Variants in STK11 observed in about 807,000 individuals in gnomAD.
The protein encoded by STK11 is serine/threonine-protein kinase STK11.
In STK11, 8 loss-of-function variants were observed where a neutral mutation model predicts 47.3. The observed-to-expected ratio is 0.17, with a 90% CI of 0.10 to 0.31. STK11 has a LOEUF of 0.31. Among genes scored for constraint, STK11 ranks in the 10% least tolerant of loss-of-function variants. The pLI is 1.00. For missense variants in STK11, 475 were observed against 605.0 expected (o/e 0.79, Z 2.25); for synonymous variants, 330 against 255.8 (o/e 1.29, Z -2.77).
At chr19:1,218,177 A>G (rs2080756636) in intron 1 of STK11, among the ~76,000 whole-genome samples, 2 of 150,214 alleles carry the variant, frequency 1.3e-5, no homozygotes, top group South Asian at 4.2e-4. Flanking sequence ...TGTGTCCTCC[A>G]AAGCCCTCGC....
intron 3 of STK11, 26 bp downstream of exon 3, chr19:1,219,439 G>C (rs968991091): frequency 6.5e-7 from 1 of 1,544,832 alleles, no homozygotes; most frequent in Middle Eastern, 1.9e-4. Context: ...AGGGGCCAGG[G>C]TGGGGCGGGG....
At position 1,222,468 on chromosome 19, in the gene STK11, C is replaced by T. The variant is rs530781501; in HGVS notation, c.920+462C>T. Among the ~76,000 whole-genome samples, 20 of 152,336 alleles carry T rather than the reference C, an allele frequency of 1.3e-4. No individual in the cohort carries two copies. In the East Asian group the frequency reaches 3.5e-3, roughly 26 times the overall value. ...CGTGGGCTCTGCTCCTCTGCACCAG[C>T]CCCTGGAGGCCCTTGAGCCGTCTGC... On this transcript the variant is annotated intron_variant, in intron 7 of 9. Transcript: ENST00000326873.
intron 8 of STK11, 151 bp from the exon 9 acceptor site, chr19:1,226,303 T>C (rs2080820121): frequency 6.2e-6 from 9 of 1,453,858 alleles, no homozygotes; most frequent in African/African-American, 2.9e-5. Flanking sequence ...GGGGGCAGCA[T>C]TTCAGGCTGG....
chr19:1,224,217 C>T (rs2080805866), intron 8 of STK11: 6 of 984,972 alleles, frequency 6.1e-6, no homozygotes, highest in Middle Eastern at 1.0e-3. Flanking sequence ...CTGGGGGCCC[C>T]CCAGGAGGAT....
chr19:1,225,945 CAGCTGGGGG>C (rs2080817369), intron 8 of STK11: 1 of 992,834 alleles, frequency 1.0e-6, no homozygotes, highest in African/African-American at 1.7e-5. Flanking sequence ...GGACTGGGGG[CAGCTGGGGG>C]CCCTGGCAGG....
chr19:1,218,757 A>G (rs1458112103), intron 2 of STK11, among the ~76,000 whole-genome samples: 1 of 152,194 alleles, frequency 6.6e-6, no homozygotes, highest in Non-Finnish European at 1.5e-5. Context: ...GTCTCCTCCC[A>G]GGCTAACCAG....
At chr19:1,220,167 C>A in intron 3 of STK11, 1 of 584,498 alleles carries the variant, frequency 1.7e-6, no homozygotes, top group South Asian at 2.6e-5. Flanking sequence ...CCCTGCCAGA[C>A]GTGGCTCGGC....
In STK11 at chr19:1,222,002, C is replaced by T. The variant is rs2145428869; in HGVS notation, c.916C>T (p.His306Tyr). The T allele has an allele frequency of 6.4e-7, 1 of 1,570,280 alleles. No individual in the cohort carries two copies. Among genetic ancestry groups the T allele is most frequent in the Non-Finnish European group, 8.6e-7 (1 of 1,158,658 alleles). ...GTTCTCCATCCGGCAGATCCGGCAG[C>T]ACAGGTGAGCGGCCCCTGGGGGCAG... is the stretch of plus-strand genomic sequence containing the variant. ...KRFSIRQIRQ[H>Y]SWFRKKHPPA... Residue 306 changes from histidine to tyrosine, a missense_variant, in exon 7 of 10, where the codon CAC (histidine) becomes TAC (tyrosine). Coordinates refer to ENST00000326873, the MANE Select transcript of STK11 (RefSeq NM_000455.5).
At chr19:1,225,047 G>A (rs1370379487) in intron 8 of STK11, 2 of 985,786 alleles carry the variant, frequency 2.0e-6, no homozygotes, top group East Asian at 2.3e-4. Context: ...CCCTACCCAG[G>A]ATGCGGGTCC....
chr19:1,226,393 G>T, intron 8 of STK11, 61 bp from the exon 9 acceptor site: 1 of 1,574,566 alleles, frequency 6.4e-7, no homozygotes, highest in East Asian at 2.3e-5. Context: ...GGCCAGCCAG[G>T]TCCCTGTGGC....
chr19:1,222,062 G>T, intron 7 of STK11, 56 bp downstream of exon 7: 4 of 1,542,214 alleles, frequency 2.6e-6, no homozygotes, highest in Non-Finnish European at 2.6e-6. Flanking sequence ...GGCCATGTGG[G>T]CAGCTGGTTG....
chr19:1,211,951 G>T (rs2145412846), intron 1 of STK11, among the ~76,000 whole-genome samples: 1 of 152,354 alleles, frequency 6.6e-6, no homozygotes, highest in African/African-American at 2.4e-5. Context: ...CCCTGCGCCA[G>T]CCATGTGAGG....
At chr19:1,215,973 G>A (rs1052453978) in intron 1 of STK11, among the ~76,000 whole-genome samples, 1 of 101,822 alleles carries the variant, frequency 9.8e-6, no homozygotes, top group Non-Finnish European at 2.0e-5. Context: ...CTGACCTCAG[G>A]TGATCCACCT....
chr19:1,215,946 A>G (rs2080742025), intron 1 of STK11, among the ~76,000 whole-genome samples: 1 of 146,410 alleles, frequency 6.8e-6, no homozygotes, highest in Admixed American at 6.9e-5. Context: ...CATGTTGGCC[A>G]GGCTGGTTTC....
At position 1,227,710 on chromosome 19, in the gene STK11, T is replaced by A; in HGVS notation, c.*134T>A. The A allele has an allele frequency of 2.8e-6, 3 of 1,070,194 alleles. No homozygotes were observed. Among genetic ancestry groups the A allele is most frequent in the Non-Finnish European group, 3.4e-6 (3 of 882,308 alleles). The allele number at this position is 1,070,194 out of a possible 1,614,324, so 66.3% of individuals were successfully genotyped here. A position where few individuals can be genotyped will look rare whatever the true frequency, so the allele number is the denominator to read the frequency against. On this transcript the variant is annotated 3_prime_UTR_variant, in exon 10 of 10. Coordinates refer to ENST00000326873, the MANE Select transcript of STK11 (RefSeq NM_000455.5). ...TCTGTGCCGACCACGCCCCAGGACC[T>A]CCGGAGCGCCCTGCAGGGCCGGGCA...
In STK11 at chr19:1,223,033, A is replaced by G. The variant is rs1399205535; in HGVS notation, c.969A>G (p.Pro323=). The part of the protein sequence containing the change: ...HPPAEAPVPI[P]PSPDTKDRWR... Reference sequence around the variant, plus strand: ...CGGCTGAAGCACCAGTGCCCATCCCACCGAGCCCAGACACCAAGGACCGGT... The same window carrying G: ...CGGCTGAAGCACCAGTGCCCATCCCGCCGAGCCCAGACACCAAGGACCGGT... Residue 323 remains proline (P), a synonymous_variant, in exon 8 of 10, where the codon CCA becomes CCG. Transcript: ENST00000326873. The G allele has an allele frequency of 6.3e-7, 1 of 1,593,350 alleles. No homozygotes were observed. Among genetic ancestry groups the G allele is most frequent in the Non-Finnish European group, 8.5e-7 (1 of 1,170,838 alleles).
At chr19:1,226,148 CCTA>C in intron 8 of STK11, 1 of 1,221,912 alleles carries the variant, frequency 8.2e-7, no homozygotes, top group Non-Finnish European at 1.0e-6. Flanking sequence ...CAGCTTGCCT[CCTA>C]CTCGTGAGGT....
At chr19:1,208,131 A>G (rs1330548843) in intron 1 of STK11, among the ~76,000 whole-genome samples, 1 of 152,044 alleles carries the variant, frequency 6.6e-6, no homozygotes, top group Admixed American at 6.5e-5. Flanking sequence ...CTGCTGGGCT[A>G]GGCCTCGAGG....
intron 1 of STK11, among the ~76,000 whole-genome samples, chr19:1,208,642 A>G (rs1367641125): frequency 5.9e-5 from 3 of 50,850 alleles, no homozygotes; most frequent in East Asian, 7.6e-4. Context: ...TTTGAGACGG[A>G]GTTTCACTCT....
Sources: allele counts gnomAD v4.1 joint callset (sites outside exome capture counted in the v4.1 genomes callset), GRCh38; gene constraint gnomAD v4.1.1; transcripts MANE v1.5; gene names NCBI Gene and HGNC (gene_info 2026-07-23, HGNC 2026-07-21).